The following ATP2C1 variants were observed in gnomAD, a reference collection of about 807,000 sequenced individuals.
ATP2C1 encodes ATPase secretory pathway Ca2+ transporting 1, also known as calcium-transporting ATPase type 2C member 1.
In ATP2C1, 31 loss-of-function variants were observed where a neutral mutation model predicts 120.5. That is an observed-to-expected ratio of 0.26 (90% CI 0.19 to 0.35). ATP2C1 has a LOEUF of 0.35. Among genes scored for constraint, ATP2C1 ranks in the 10% least tolerant of loss-of-function variants. The pLI, the probability that ATP2C1 is intolerant of heterozygous loss-of-function variation, is 1.00. For synonymous variants in ATP2C1, 351 were observed against 358.7 expected (o/e 0.98, Z 0.24); for missense variants, 731 against 1,107.5 (o/e 0.66, Z 4.83).
chr3:130,982,070 TG>T (rs756367501), intron 20 of ATP2C1, among the ~76,000 whole-genome samples: 62 of 152,318 alleles, frequency 4.1e-4, no homozygotes, highest in Non-Finnish European at 8.4e-4. Context: ...ACTATGCTTT[TG>T]ATATCTCAGA....
At chr3:130,891,606 A>G (rs917986730), upstream of ATP2C1, among the ~76,000 whole-genome samples, 20 of 152,198 alleles carry the variant, frequency 1.3e-4, no homozygotes, top group Admixed American at 8.5e-4. Context: ...AATATGTTTC[A>G]TTGCCATCAA....
intron 1 of ATP2C1, among the ~76,000 whole-genome samples, chr3:130,855,274 G>T (rs1333625211): frequency 2.0e-5 from 3 of 151,984 alleles, no homozygotes; most frequent in Non-Finnish European, 4.4e-5. Flanking sequence ...AGCTCAATGC[G>T]GGGAATATGA....
chr3:130,969,538 C>T (rs2061200041), intron 17 of ATP2C1, 142 bp downstream of exon 17: 2 of 691,518 alleles, frequency 2.9e-6, no homozygotes, highest in African/African-American at 1.8e-5. Context: ...GTACACTCAT[C>T]TCTTAATTGT....
chr3:130,883,945 CTTTTT>C (rs35365168), intron 1 of ATP2C1, among the ~76,000 whole-genome samples: 1 of 122,438 alleles, frequency 8.2e-6, no homozygotes, highest in African/African-American at 3.0e-5. Flanking sequence ...TTCTTTTCTT[CTTTTT>C]TTTTTTTTTT....
chr3:130,932,506 T>A (rs1026450352), intron 4 of ATP2C1, among the ~76,000 whole-genome samples: 2 of 152,152 alleles, frequency 1.3e-5, no homozygotes, highest in Admixed American at 6.5e-5. Flanking sequence ...AAACTCAGGC[T>A]GCCTGGGTAC....
In ATP2C1 at chr3:130,894,601, A is replaced by G; in HGVS notation, c.-169A>G. ...GGTTTCTCTTGCAGATGCTGCTGCT[A>G]GGGGTGGTGGGAGCAGCCGTGGGAC... On this transcript the variant is annotated 5_prime_UTR_variant, in exon 2 of 28. Coordinates refer to ENST00000510168, the MANE Select transcript of ATP2C1 (RefSeq NM_001378687.1). The surrounding 1 kb of genome is among the most constrained non-coding windows in gnomAD (Gnocchi z 4.5). 2.6e-6 allele frequency: 4 copies of G among 1,540,222 alleles called. No individual in the cohort carries two copies. In the South Asian group the frequency reaches 3.6e-5, roughly 14 times the overall value.
chr3:130,895,108 G>C (rs139378608), intron 2 of ATP2C1, among the ~76,000 whole-genome samples: 4 of 152,288 alleles, frequency 2.6e-5, no homozygotes, highest in Non-Finnish European at 2.9e-5. Flanking sequence ...TACTCGAGGG[G>C]AAGTGGAAAT....
At chr3:130,999,319 T>C (rs2062780318) in intron 26 of ATP2C1, among the ~76,000 whole-genome samples, 199 bp from the exon 27 acceptor site, 1 of 152,196 alleles carries the variant, frequency 6.6e-6, no homozygotes, top group Non-Finnish European at 1.5e-5. Flanking sequence ...ATAAATAAAA[T>C]AAAAGCTACT....
At chr3:130,955,729 C>CTAAG (rs2060552300) in intron 10 of ATP2C1, 1 of 227,026 alleles carries the variant, frequency 4.4e-6, no homozygotes, top group African/African-American at 2.3e-5. Flanking sequence ...ACCTGGGTTA[C>CTAAG]TAGCATGTTT....
chr3:130,949,909 G>A (rs1161313687), intron 8 of ATP2C1, among the ~76,000 whole-genome samples: 1 of 152,030 alleles, frequency 6.6e-6, no homozygotes, highest in East Asian at 1.9e-4. Flanking sequence ...TGTTTTCTGG[G>A]GAGAGAAATC....
chr3:130,958,001 C>T (rs564448277), intron 11 of ATP2C1, among the ~76,000 whole-genome samples: 30 of 152,120 alleles, frequency 2.0e-4, no homozygotes, highest in African/African-American at 6.5e-4. Flanking sequence ...TAACTTCTTC[C>T]GTTTGATTAT....
At chr3:130,932,598 A>AC (rs2059494879) in intron 4 of ATP2C1, among the ~76,000 whole-genome samples, 1 of 152,154 alleles carries the variant, frequency 6.6e-6, no homozygotes, top group Non-Finnish European at 1.5e-5. Flanking sequence ...TGATAACCTT[A>AC]CGGGAGATAG....
Position 130,858,512 on chromosome 3 carries a change from A to T in ATP2C1, c.108+7584A>T, listed in dbSNP as rs1390508975. Among the ~76,000 whole-genome samples, 3 of 152,276 alleles carry T rather than the reference A, an allele frequency of 2.0e-5. 1 individual carries two copies. Among genetic ancestry groups the T allele is most frequent in the South Asian group, 4.1e-4 (2 of 4,826 alleles). ...TTGCTTCATTACATCCTTTGAAGGC[A>T]CTTGGTAACTGTCCTTTGCTGTATT... On this transcript the variant is annotated intron_variant, in intron 1 of 26. Transcript: ENST00000504381.
chr3:130,943,496 C>T (rs754661268), intron 8 of ATP2C1, among the ~76,000 whole-genome samples: 7 of 152,150 alleles, frequency 4.6e-5, no homozygotes, highest in Non-Finnish European at 8.8e-5. Flanking sequence ...GGATTATAGT[C>T]GTGAGCCACC....
chr3:130,923,864 CAAAA>C (rs59951169), intron 2 of ATP2C1, among the ~76,000 whole-genome samples: 3 of 89,046 alleles, frequency 3.4e-5, no homozygotes, highest in Non-Finnish European at 4.9e-5. Context: ...GACTCTGTCT[CAAAA>C]AAAAAAAAAA....
rs761270371 is a variant in ATP2C1, at chr3:130,996,785, C to A, written c.2232C>A (p.Pro744=). Residue 744 remains proline (P), a synonymous_variant, in exon 24 of 28, where the codon CCC becomes CCA. Transcript: ENST00000510168. ...GGATCAATATTATTATGGATGGACC[C>A]CCAGCTCAGAGGTACGAGTTTTTTA... ...ILWINIIMDG[P]PAQSLGVEPV... The A allele has an allele frequency of 1.9e-6, 3 of 1,603,594 alleles. No individual in the cohort carries two copies. The highest frequency in any genetic ancestry group is 2.6e-6 in the Non-Finnish European group (3 of 1,170,518).
At chr3:130,963,478 G>A (rs2060917019) in intron 12 of ATP2C1, 1 of 173,702 alleles carries the variant, frequency 5.8e-6, no homozygotes, top group Non-Finnish European at 1.2e-5. Context: ...TGTAGCATGT[G>A]TTAGTACTTC....
intron 3 of ATP2C1, among the ~76,000 whole-genome samples, chr3:130,931,387 C>T (rs2059442298): frequency 1.3e-5 from 2 of 152,106 alleles, no homozygotes; most frequent in South Asian, 4.1e-4. Context: ...AACTTCACTG[C>T]TTTTGAGTAA....
intron 2 of ATP2C1, among the ~76,000 whole-genome samples, chr3:130,920,230 T>G (rs1048002190): frequency 6.6e-6 from 1 of 152,222 alleles, no homozygotes; most frequent in African/African-American, 2.4e-5. Flanking sequence ...TTGCTTATGC[T>G]TTTGGTATTA....
Sources: allele counts gnomAD v4.1 joint callset (sites outside exome capture counted in the v4.1 genomes callset), GRCh38; gene constraint gnomAD v4.1.1; non-coding constraint Gnocchi (gnomAD v3.1); transcripts MANE v1.5; gene names NCBI Gene and HGNC (gene_info 2026-07-23, HGNC 2026-07-21).